ITFG1: variants seen among roughly 807,000 people sequenced by gnomAD.
ITFG1 encodes integrin alpha FG-GAP repeat containing 1, also known as T-cell immunomodulatory protein.
A neutral mutation model predicts 81.8 loss-of-function variants in ITFG1; 34 were observed. That is an observed-to-expected ratio of 0.42 (90% CI 0.32 to 0.55). The LOEUF (loss-of-function observed/expected upper bound fraction) is 0.55, where lower values mean the gene tolerates loss of function less well. Ranked by LOEUF, ITFG1 falls within the 20% of genes least tolerant of loss-of-function variation. The pLI, the probability that ITFG1 is intolerant of heterozygous loss-of-function variation, is 0.17. For missense variants in ITFG1, 672 were observed against 755.4 expected, an observed-to-expected ratio of 0.89 and a Z score of 1.29; for synonymous variants, 285 against 270.6, an observed-to-expected ratio of 1.05 and a Z score of -0.52.
chr16:47,419,169 G>A (rs34396829), intron 6 of ITFG1, among the ~76,000 whole-genome samples: 33,328 of 152,126 alleles, frequency 0.22, 4,622 homozygotes, highest in Non-Finnish European at 0.32. Flanking sequence ...TGGTTTTAGA[G>A]ACAGAGTCTG....
At chr16:47,336,007 T>C (rs1387481119) in intron 8 of ITFG1, among the ~76,000 whole-genome samples, 4 of 152,326 alleles carry the variant, frequency 2.6e-5, no homozygotes, top group Non-Finnish European at 4.4e-5. Flanking sequence ...CATATACTCA[T>C]ACAATGGAAT....
At chr16:47,183,208 T>C (rs1167894869) in intron 14 of ITFG1, among the ~76,000 whole-genome samples, 2 of 151,616 alleles carry the variant, frequency 1.3e-5, no homozygotes, top group African/African-American at 2.4e-5. Context: ...GGGGGAGGGG[T>C]GCCCACCATT....
intron 12 of ITFG1, among the ~76,000 whole-genome samples, chr16:47,251,341 T>C (rs1251580283): frequency 1.3e-5 from 2 of 152,192 alleles, no homozygotes; most frequent in Non-Finnish European, 2.9e-5. Context: ...AAATATAGCT[T>C]CTACCCCTGG....
intron 10 of ITFG1, among the ~76,000 whole-genome samples, chr16:47,265,328 C>T (rs1379703724): frequency 1.3e-5 from 1 of 76,534 alleles, no homozygotes. Context: ...CCAGATGACA[C>T]TCTAGATCTA....
intron 6 of ITFG1, among the ~76,000 whole-genome samples, chr16:47,388,170 G>GA (rs1389605792): frequency 6.6e-6 from 1 of 151,852 alleles, no homozygotes; most frequent in African/African-American, 2.4e-5. Context: ...AAAGGATAAG[G>GA]AAAAAATGAA....
At chr16:47,262,818 G>C (rs904768899) in intron 10 of ITFG1, 1 of 152,790 alleles carries the variant, frequency 6.5e-6, no homozygotes, top group Non-Finnish European at 1.5e-5. Flanking sequence ...CTGATGGGCT[G>C]AGGCTGGCCA....
intron 7 of ITFG1, among the ~76,000 whole-genome samples, chr16:47,374,169 CT>C (rs1268339472): frequency 2.0e-5 from 3 of 152,158 alleles, no homozygotes; most frequent in African/African-American, 7.2e-5. Flanking sequence ...CTTCCCCCTA[CT>C]GCAAAACCCC....
chr16:47,181,801 G>A (rs372938574), intron 14 of ITFG1, among the ~76,000 whole-genome samples: 7 of 152,198 alleles, frequency 4.6e-5, no homozygotes, highest in Admixed American at 4.6e-4. Flanking sequence ...TGTAGAAAGA[G>A]GTAGACATGG....
At position 47,428,808 on chromosome 16, in the gene ITFG1, T is replaced by G; in HGVS notation, c.651A>C (p.Thr217=). Residue 217 remains threonine, a synonymous_variant, in exon 6 of 18, where the codon ACA becomes ACC. Transcript: ENST00000320640. ...HAFIDLTEDF[T]ADLFLTTLNA... is the part of the protein sequence containing the mutation. ...CCAGATTTATGTGCAACTCACCTGC[T>G]GTAAAATCTTCAGTCAGATCAATAA... is the stretch of plus-strand genomic sequence containing the variant. The G allele has an allele frequency of 1.3e-6, 2 of 1,599,736 alleles. No homozygotes were observed. Among genetic ancestry groups the G allele is most frequent in the South Asian group, 1.1e-5 (1 of 90,156 alleles).
intron 14 of ITFG1, among the ~76,000 whole-genome samples, chr16:47,199,800 C>T (rs563946871): frequency 7.2e-5 from 11 of 152,088 alleles, no homozygotes; most frequent in East Asian, 1.9e-4. Flanking sequence ...AATGTAGAAT[C>T]GTGGGAGCCC....
intron 8 of ITFG1, among the ~76,000 whole-genome samples, chr16:47,335,056 T>C (rs1306824108): frequency 6.6e-5 from 10 of 152,098 alleles, no homozygotes; most frequent in Admixed American, 6.6e-4. Flanking sequence ...ATACATGCTT[T>C]TATAAAACCC....
At chr16:47,244,407 T>C (rs1243635831) in intron 12 of ITFG1, among the ~76,000 whole-genome samples, 5 of 152,068 alleles carry the variant, frequency 3.3e-5, no homozygotes, top group African/African-American at 1.2e-4. Flanking sequence ...AGATTATCTC[T>C]AGGTAGATAG....
intron 12 of ITFG1, among the ~76,000 whole-genome samples, chr16:47,246,136 G>GT (rs983096280): frequency 2.0e-5 from 3 of 152,158 alleles, no homozygotes; most frequent in African/African-American, 7.2e-5. Flanking sequence ...CAAAAATCAT[G>GT]TAATAGTTTC....
chr16:47,228,953 AGTGAATATGCTATTGGG>A (rs766395117), intron 13 of ITFG1, among the ~76,000 whole-genome samples: 17 of 152,238 alleles, frequency 1.1e-4, no homozygotes, highest in Non-Finnish European at 2.4e-4. Flanking sequence ...CATACTTAAC[AGTGAATATGCTATTGGG>A]GTGAGAGATG....
intron 14 of ITFG1, among the ~76,000 whole-genome samples, chr16:47,199,154 G>T (rs930991245): frequency 5.3e-5 from 8 of 151,882 alleles, no homozygotes; most frequent in Non-Finnish European, 1.0e-4. Flanking sequence ...CATAATCCCA[G>T]TTACTTGGAA....
intron 8 of ITFG1, among the ~76,000 whole-genome samples, chr16:47,325,558 A>G (rs1967523446): frequency 6.6e-6 from 1 of 152,204 alleles, no homozygotes; most frequent in African/African-American, 2.4e-5. Context: ...AAAGATCAAC[A>G]AAATTGATAG....
At chr16:47,459,214 T>C (rs1011419473) in intron 1 of ITFG1, 39 bp from the exon 2 acceptor site, 28 of 1,317,826 alleles carry the variant, frequency 2.1e-5, no homozygotes, top group Non-Finnish European at 3.0e-5. Flanking sequence ...AAAATGTTTG[T>C]TGATAAGATA....
At chr16:47,439,540 TAAAGA>T (rs1298242115) in intron 5 of ITFG1, among the ~76,000 whole-genome samples, 1 of 152,150 alleles carries the variant, frequency 6.6e-6, no homozygotes, top group African/African-American at 2.4e-5. Context: ...TCAACATTCT[TAAAGA>T]AAAGAATTTT....
intron 5 of ITFG1, among the ~76,000 whole-genome samples, chr16:47,432,844 T>C (rs540136099): frequency 1.4e-4 from 22 of 152,346 alleles, no homozygotes; most frequent in Admixed American, 1.0e-3. Context: ...CAATAATTTC[T>C]AAGCATTAAA....
Sources: gnomAD v4.1 joint callset for allele counts (sites outside exome capture counted in the v4.1 genomes callset) on GRCh38, gnomAD v4.1.1 for gene constraint, MANE v1.5 for transcripts, NCBI Gene and HGNC (gene_info 2026-07-23, HGNC 2026-07-21) for gene names.